CASK: variants seen among roughly 807,000 people sequenced by gnomAD.
CASK encodes the protein calcium/calmodulin dependent serine protein kinase, also known as peripheral plasma membrane protein CASK.
In CASK, 4 loss-of-function variants were observed where a neutral mutation model predicts 82.9. The observed-to-expected ratio is 0.05, with a 90% confidence interval of 0.02 to 0.11. The LOEUF is 0.11. Ranked by LOEUF, CASK falls within the 10% of genes least tolerant of loss-of-function variation. The pLI, the probability that CASK is intolerant of heterozygous loss-of-function variation, is 1.00. For missense variants in CASK, 358 were observed against 720.9 expected, an observed-to-expected ratio of 0.50 and a Z score of 5.76; for synonymous variants, 259 against 253.5, an observed-to-expected ratio of 1.02 and a Z score of -0.20.
intron 2 of CASK, among the ~76,000 whole-genome samples, chrX:41,814,832 C>T (rs1026906704): frequency 2.7e-5 from 3 of 111,840 alleles, no homozygotes; most frequent in African/African-American, 6.5e-5. Context: ...TTTCTTTACC[C>T]ACTGAACTAG....
At chrX:41,568,958 T>A (rs1158715356) in intron 16 of CASK, among the ~76,000 whole-genome samples, 1 of 111,349 alleles carries the variant, frequency 9.0e-6, no homozygotes, top group Non-Finnish European at 1.9e-5. Flanking sequence ...GATTGTGCCA[T>A]TGCACAGCCT....
chrX:41,829,819 T>C (rs1259850085), intron 2 of CASK, among the ~76,000 whole-genome samples: 13 of 86,943 alleles, frequency 1.5e-4, no homozygotes, highest in Non-Finnish European at 2.5e-4. Context: ...TGCATCCCTA[T>C]TAGCAGTAAG....
At chrX:41,814,920 A>G (rs1402242204) in intron 2 of CASK, among the ~76,000 whole-genome samples, 7 of 111,401 alleles carry the variant, frequency 6.3e-5, no homozygotes, top group Non-Finnish European at 1.1e-4. Flanking sequence ...ATTCCTATGG[A>G]AAGGGAAATG....
chrX:41,866,214 G>A (rs775685043), intron 1 of CASK, among the ~76,000 whole-genome samples: 1 of 112,871 alleles, frequency 8.9e-6, no homozygotes, highest in African/African-American at 3.2e-5. Context: ...AGCAACTGGG[G>A]CCATAATGGG....
chrX:41,731,960 G>C (rs1449832355), intron 5 of CASK, among the ~76,000 whole-genome samples: 1 of 95,909 alleles, frequency 1.0e-5, no homozygotes, highest in East Asian at 3.2e-4. Flanking sequence ...TTTTTTTGTA[G>C]AGATGTGCTC....
At chrX:41,670,933 T>G (rs1461045045) in intron 6 of CASK, among the ~76,000 whole-genome samples, 1 of 112,317 alleles carries the variant, frequency 8.9e-6, no homozygotes, top group African/African-American at 3.2e-5. Context: ...AAAAATTATG[T>G]TTTGCTTTGG....
chrX:41,618,395 G>A (rs964644947), intron 11 of CASK, among the ~76,000 whole-genome samples: 1 of 111,119 alleles, frequency 9.0e-6, no homozygotes, highest in Non-Finnish European at 1.9e-5. Flanking sequence ...GACCTTCTGG[G>A]CTTGAGCAAT....
chrX:41,766,790 G>T (rs770304945), intron 3 of CASK, among the ~76,000 whole-genome samples: 93 of 111,425 alleles, frequency 8.3e-4, no homozygotes, highest in Non-Finnish European at 1.5e-3. Flanking sequence ...GGGGGGCTGA[G>T]GCAGGAGGAT....
intron 2 of CASK, among the ~76,000 whole-genome samples, chrX:41,830,547 G>A (rs771894113): frequency 5.1e-4 from 57 of 111,400 alleles, no homozygotes; most frequent in African/African-American, 1.5e-3. Flanking sequence ...ATGGCCGGGT[G>A]CGGTGGCTCA....
intron 1 of CASK, among the ~76,000 whole-genome samples, chrX:41,886,334 A>G (rs771089846): frequency 8.9e-6 from 1 of 111,994 alleles, no homozygotes; most frequent in East Asian, 2.8e-4. Context: ...GCTTACTTCA[A>G]TTTCCTTTTC....
At chrX:41,711,180 C>T (rs927462983) in intron 5 of CASK, among the ~76,000 whole-genome samples, 2 of 111,728 alleles carry the variant, frequency 1.8e-5, no homozygotes, top group African/African-American at 6.5e-5. Context: ...GGACTAAGCC[C>T]TCAACCTGTG....
At chrX:41,680,032 C>A (rs1602452029) in intron 5 of CASK, among the ~76,000 whole-genome samples, 1 of 110,838 alleles carries the variant, frequency 9.0e-6, no homozygotes, top group East Asian at 2.8e-4. Context: ...CAACCTTGTC[C>A]CTACTAAAAA....
chrX:41,617,433 T>C (rs944041353), intron 11 of CASK, among the ~76,000 whole-genome samples: 1 of 112,594 alleles, frequency 8.9e-6, no homozygotes, highest in African/African-American at 3.2e-5. Context: ...TGTAATTAGG[T>C]AGAAAAATTA....
At chrX:41,846,194 T>C (rs1279877023) in intron 2 of CASK, among the ~76,000 whole-genome samples, 5 of 111,422 alleles carry the variant, frequency 4.5e-5, no homozygotes, top group South Asian at 3.8e-4. Context: ...AACAGATGAA[T>C]AGATAAAGAA....
Position 41,517,770 on chromosome X carries a change from TAGCAGC to T in CASK, c.*2644_*2649del, listed in dbSNP as rs760277976. 2,435 of 706,257 alleles carry T rather than the reference TAGCAGC, an allele frequency of 3.4e-3. 32 individuals are homozygous for T. Among genetic ancestry groups the T allele is most frequent in the African/African-American group, 0.028 (1,183 of 42,985 alleles). The allele number at this position is 706,257 out of a possible 1,213,427, so 58.2% of individuals were successfully genotyped here. On this transcript the variant is annotated 3_prime_UTR_variant, in exon 27 of 27. Coordinates refer to ENST00000378163, the MANE Select transcript of CASK (RefSeq NM_001367721.1). ...TTAGTGGACAATTGTAATGTAGCAG[TAGCAGC>T]AGCAGCAGCAGCAGCAGCAGCAGCA...
chrX:41,567,855 A>G (rs2065342790), intron 16 of CASK, among the ~76,000 whole-genome samples: 1 of 111,470 alleles, frequency 9.0e-6, no homozygotes, highest in Admixed American at 9.5e-5. Context: ...TCCATCATTG[A>G]TAGACTGGAT....
intron 25 of CASK, among the ~76,000 whole-genome samples, chrX:41,526,797 T>G (rs1207660244): frequency 8.9e-6 from 1 of 112,096 alleles, no homozygotes; most frequent in Non-Finnish European, 1.9e-5. Context: ...CTTTTTCTAT[T>G]TCTATACTTT....
intron 8 of CASK, among the ~76,000 whole-genome samples, chrX:41,638,277 G>T (rs1338239279): frequency 9.0e-6 from 1 of 111,273 alleles, no homozygotes; most frequent in East Asian, 2.8e-4. Flanking sequence ...TTAAAATAGG[G>T]TGGTTGGCTG....
chrX:41,569,631 T>C (rs956767362), intron 16 of CASK, 37 bp downstream of exon 16: 3 of 986,888 alleles, frequency 3.0e-6, no homozygotes, highest in Middle Eastern at 2.6e-4. Flanking sequence ...GAAAAAAAAT[T>C]AAGGAAGGCA....
Sources: gnomAD v4.1 joint callset for allele counts (sites outside exome capture counted in the v4.1 genomes callset) on GRCh38, gnomAD v4.1.1 for gene constraint, MANE v1.5 for transcripts, NCBI Gene and HGNC (gene_info 2026-07-23, HGNC 2026-07-21) for gene names.